DOCK3: variants seen among roughly 807,000 people sequenced by gnomAD.
DOCK3 encodes dedicator of cytokinesis 3.
Under a neutral mutation model 265.6 loss-of-function variants are expected in DOCK3, and 60 were observed. That is an observed-to-expected ratio of 0.23 (90% confidence interval 0.18 to 0.28). The LOEUF (loss-of-function observed/expected upper bound fraction) is 0.28. DOCK3 is among the 10% of genes least tolerant of loss of function. The pLI is 1.00. For missense variants in DOCK3, 1,981 were observed against 2,594.3 expected, an observed-to-expected ratio of 0.76 and a Z score of 5.14; for synonymous variants, 881 against 938.0, an observed-to-expected ratio of 0.94 and a Z score of 1.11.
chr3:51,249,661 GC>G (rs2079084172), intron 22 of DOCK3, among the ~76,000 whole-genome samples: 1 of 109,754 alleles, frequency 9.1e-6, no homozygotes, highest in African/African-American at 3.6e-5. Context: ...GGGGGGGTCA[GC>G]CCCCCACCCG....
At chr3:51,247,266 A>G (rs1292253504) in intron 22 of DOCK3, among the ~76,000 whole-genome samples, 1 of 152,260 alleles carries the variant, frequency 6.6e-6, no homozygotes, top group African/African-American at 2.4e-5. Context: ...GAAGAAGGGA[A>G]TCTTAAAACT....
intron 3 of DOCK3, among the ~76,000 whole-genome samples, chr3:50,843,711 T>C (rs1463072908): frequency 1.3e-5 from 2 of 152,222 alleles, no homozygotes; most frequent in East Asian, 3.8e-4. Flanking sequence ...AGAGATTGTA[T>C]ATTTTGGTAA....
At chr3:50,783,517 C>G (rs892346366) in intron 2 of DOCK3, among the ~76,000 whole-genome samples, 8 of 152,076 alleles carry the variant, frequency 5.3e-5, no homozygotes, top group Non-Finnish European at 8.8e-5. Flanking sequence ...ATTGTGTATT[C>G]ATGTCCTTAG....
intron 2 of DOCK3, among the ~76,000 whole-genome samples, chr3:50,823,061 CTA>C (rs148447303): frequency 0.025 from 3,789 of 152,198 alleles, 179 homozygotes; most frequent in African/African-American, 0.087. Flanking sequence ...ATACTTAACA[CTA>C]TTACTTTTAA....
intron 4 of DOCK3, chr3:50,901,016 C>T (rs889158775): frequency 2.7e-6 from 1 of 368,768 alleles, no homozygotes; most frequent in South Asian, 2.1e-5. Context: ...CTGGGAGATT[C>T]GCTCCTCTCT....
intron 21 of DOCK3, among the ~76,000 whole-genome samples, chr3:51,243,740 T>C (rs959451222): frequency 3.9e-5 from 6 of 152,224 alleles, no homozygotes; most frequent in African/African-American, 1.4e-4. Flanking sequence ...TATTTTTTGT[T>C]GTTGCCTGTG....
chr3:51,311,854 A>G (rs2083081730), intron 28 of DOCK3, 150 bp from the exon 29 acceptor site: 2 of 556,876 alleles, frequency 3.6e-6, no homozygotes, highest in Non-Finnish European at 6.2e-6. Context: ...TAGAGTTTGT[A>G]CCATTTTCTC....
chr3:51,202,848 C>G (rs2088891274), intron 12 of DOCK3, among the ~76,000 whole-genome samples: 1 of 151,344 alleles, frequency 6.6e-6, no homozygotes, highest in Non-Finnish European at 1.5e-5. Flanking sequence ...TGCTGGGATG[C>G]AAGGCTGGTT....
chr3:51,160,614 T>C lies in DOCK3; in HGVS notation c.949T>C (p.Tyr317His). 1.2e-6 allele frequency: 2 copies of C among 1,613,226 alleles called. No homozygotes were observed. Among genetic ancestry groups the C allele is most frequent in the South Asian group, 1.1e-5 (1 of 90,922 alleles). The change falls in exon 12 of 53, where the codon TAT becomes CAT. Residue 317 changes from tyrosine (Y) to histidine (H), a missense_variant. Tyr to His is a moderately conservative substitution (Grantham distance 83). Coordinates refer to ENST00000266037, the MANE Select transcript of DOCK3 (RefSeq NM_004947.5). Reference sequence around the variant, plus strand: ...TCCTCACCTGCACTACAGGCGACCATATGGCTGTGCGGTCCTAAGCATCTT... The same window carrying C: ...TCCTCACCTGCACTACAGGCGACCACATGGCTGTGCGGTCCTAAGCATCTT... ...GPPHLHYRRPYGCAVLSILDV... is the reference protein window; with the variant it reads ...GPPHLHYRRPHGCAVLSILDV...
At chr3:51,190,650 A>T (rs976124835) in intron 12 of DOCK3, among the ~76,000 whole-genome samples, 5 of 152,196 alleles carry the variant, frequency 3.3e-5, no homozygotes, top group Admixed American at 1.3e-4. Flanking sequence ...GGAAAAGAGC[A>T]CCACCTGCTG....
intron 3 of DOCK3, among the ~76,000 whole-genome samples, chr3:50,861,997 T>C (rs2046939080): frequency 6.6e-6 from 1 of 152,196 alleles, no homozygotes; most frequent in Admixed American, 6.5e-5. Context: ...GCCGTCTCAA[T>C]TGTATAATTG....
At chr3:50,977,677 C>T (rs1033276935) in intron 5 of DOCK3, among the ~76,000 whole-genome samples, 1 of 152,094 alleles carries the variant, frequency 6.6e-6, no homozygotes, top group Non-Finnish European at 1.5e-5. Context: ...TTTCCTGAAT[C>T]TGAACGTTGG....
intron 4 of DOCK3, among the ~76,000 whole-genome samples, chr3:50,911,861 T>C (rs895164886): frequency 6.6e-6 from 1 of 152,140 alleles, no homozygotes; most frequent in Non-Finnish European, 1.5e-5. Flanking sequence ...CAGTGTTTAA[T>C]AGTTTTCCTT....
intron 4 of DOCK3, among the ~76,000 whole-genome samples, chr3:50,927,662 G>A (rs900612048): frequency 2.0e-5 from 3 of 152,098 alleles, no homozygotes; most frequent in Admixed American, 2.0e-4. Context: ...CGTTTTTTCA[G>A]TCTTTGCTTC....
At chr3:50,879,146 A>G (rs549140633) in intron 3 of DOCK3, among the ~76,000 whole-genome samples, 27 of 152,370 alleles carry the variant, frequency 1.8e-4, no homozygotes, top group Middle Eastern at 3.4e-3. Context: ...CATGGAAAGG[A>G]ACAAATGGTA....
chr3:50,760,704 C>T (rs1334678429), intron 1 of DOCK3, among the ~76,000 whole-genome samples: 3 of 151,906 alleles, frequency 2.0e-5, no homozygotes, highest in Non-Finnish European at 4.4e-5. Flanking sequence ...CGTTGTTAGT[C>T]GAGGAGCATC....
intron 1 of DOCK3, among the ~76,000 whole-genome samples, chr3:50,741,786 A>G (rs1426471048): frequency 2.1e-4 from 32 of 152,054 alleles, no homozygotes; most frequent in Admixed American, 2.1e-3. Context: ...TTGGGTATAT[A>G]CCCAGTAATG....
intron 1 of DOCK3, among the ~76,000 whole-genome samples, chr3:50,723,066 C>A (rs1020052840): frequency 2.0e-5 from 3 of 152,082 alleles, no homozygotes; most frequent in Non-Finnish European, 2.9e-5. Context: ...GACCACCATG[C>A]CTGGCCTCAG....
intron 6 of DOCK3, among the ~76,000 whole-genome samples, chr3:51,073,288 A>G (rs1352120564): frequency 6.8e-6 from 1 of 148,108 alleles, no homozygotes; most frequent in South Asian, 2.2e-4. Flanking sequence ...AGTATTTTAA[A>G]TATTTGAAAT....
Sources: gnomAD v4.1 joint callset for allele counts (sites outside exome capture counted in the v4.1 genomes callset) on GRCh38, gnomAD v4.1.1 for gene constraint, MANE v1.5 for transcripts, NCBI Gene and HGNC (gene_info 2026-07-23, HGNC 2026-07-21) for gene names.